VEGFC: variants seen among roughly 807,000 people sequenced by gnomAD.
VEGFC encodes vascular endothelial growth factor C.
A neutral mutation model predicts 46.1 loss-of-function variants in VEGFC; 12 were observed. The ratio of observed to expected loss-of-function variants is 0.26; its 90% confidence interval spans 0.17 to 0.42. The LOEUF (loss-of-function observed/expected upper bound fraction) is 0.42. Ranked by LOEUF, VEGFC falls within the 10% of genes least tolerant of loss-of-function variation. The pLI is 1.00. For synonymous variants in VEGFC, 232 were observed against 195.5 expected, an observed-to-expected ratio of 1.19 and a Z score of -1.56; for missense variants, 488 against 529.4, an observed-to-expected ratio of 0.92 and a Z score of 0.77.
intron 1 of VEGFC, among the ~76,000 whole-genome samples, chr4:176,757,725 T>A (rs1384740315): frequency 6.6e-6 from 1 of 152,052 alleles, no homozygotes; most frequent in African/African-American, 2.4e-5. Flanking sequence ...ATTGTCTTTT[T>A]CAGGTTCCAA....
intron 1 of VEGFC, among the ~76,000 whole-genome samples, chr4:176,732,444 C>T (rs6838834): frequency 0.036 from 5,408 of 151,860 alleles, 226 homozygotes; most frequent in Middle Eastern, 0.11. Context: ...ATCTGGGGGT[C>T]TCTTAGGTAC....
At chr4:176,766,655 C>T (rs1029661249) in intron 1 of VEGFC, among the ~76,000 whole-genome samples, 1 of 150,590 alleles carries the variant, frequency 6.6e-6, no homozygotes, top group Non-Finnish European at 1.5e-5. Flanking sequence ...CAGTGTGATA[C>T]TAATGCCAGA....
chr4:176,725,625 C>G (rs931438911), intron 3 of VEGFC, among the ~76,000 whole-genome samples: 1 of 152,090 alleles, frequency 6.6e-6, no homozygotes, highest in African/African-American at 2.4e-5. Context: ...TGATTTAAAT[C>G]AAATACCATA....
rs185241751 is a variant in VEGFC, at chr4:176,792,039, C to T, written c.147+126G>A. The T allele has an allele frequency of 5.2e-4, 650 of 1,259,366 alleles. 8 individuals carry two copies. In the African/African-American group the frequency reaches 9.2e-3, roughly 18 times the overall value. The allele number at this position is 1,259,366 out of a possible 1,614,324, so 78.0% of individuals were successfully genotyped here. ...TCTCCAAAGCAGCGTGCACTGAGCT[C>T]AGTAACTTTGGATCCCACGTACACA... On this transcript the variant is annotated intron_variant, in intron 1 of 6. Transcript: ENST00000618562. This position sits in a 1 kb window ranked among gnomAD's most constrained non-coding sequence, Gnocchi z 6.3.
At chr4:176,765,853 C>T (rs1049477215) in intron 1 of VEGFC, among the ~76,000 whole-genome samples, 2 of 151,928 alleles carry the variant, frequency 1.3e-5, no homozygotes, top group Non-Finnish European at 2.9e-5. Flanking sequence ...GTGCCCGGCC[C>T]CAAAGACAGA....
intron 4 of VEGFC, among the ~76,000 whole-genome samples, chr4:176,707,728 T>C (rs1373913383): frequency 6.6e-6 from 1 of 152,108 alleles, no homozygotes; most frequent in African/African-American, 2.4e-5. Flanking sequence ...ATGAACAGCA[T>C]TGGCAACGGA....
chr4:176,788,722 C>T (rs536449130), intron 1 of VEGFC, among the ~76,000 whole-genome samples: 4 of 152,300 alleles, frequency 2.6e-5, no homozygotes, highest in Admixed American at 1.3e-4. Flanking sequence ...ATGGTTTCTA[C>T]TGAATGTCTA....
intron 1 of VEGFC, among the ~76,000 whole-genome samples, chr4:176,750,159 C>A (rs537955912): frequency 8.6e-5 from 13 of 151,618 alleles, no homozygotes; most frequent in African/African-American, 3.1e-4. Context: ...AGTCATAACA[C>A]TGGGTACATG....
intron 3 of VEGFC, among the ~76,000 whole-genome samples, chr4:176,714,001 G>A (rs192010424): frequency 7.9e-5 from 12 of 152,268 alleles, no homozygotes; most frequent in Non-Finnish European, 1.5e-4. Context: ...CAGTGGAGAC[G>A]GGGGACAAGA....
At chr4:176,775,923 C>CA (rs879449334) in intron 1 of VEGFC, among the ~76,000 whole-genome samples, 7,789 of 139,020 alleles carry the variant, frequency 0.056, 394 homozygotes, top group African/African-American at 0.13. Context: ...ATAGGCTTAC[C>CA]AAAAAAAAAA....
chr4:176,716,288 C>G (rs1226240354), intron 3 of VEGFC, among the ~76,000 whole-genome samples: 1 of 151,980 alleles, frequency 6.6e-6, no homozygotes, highest in African/African-American at 2.4e-5. Flanking sequence ...AGAAACCTAA[C>G]AATGAGGGCG....
At chr4:176,718,574 A>G (rs1051370855) in intron 3 of VEGFC, among the ~76,000 whole-genome samples, 1 of 152,138 alleles carries the variant, frequency 6.6e-6, no homozygotes, top group Admixed American at 6.5e-5. Context: ...TAAGATGGCA[A>G]TGTAGAATTT....
At chr4:176,690,850 G>C (rs757193235) in intron 4 of VEGFC, among the ~76,000 whole-genome samples, 31 of 152,162 alleles carry the variant, frequency 2.0e-4, no homozygotes, top group Non-Finnish European at 4.3e-4. Context: ...CCATTATAAC[G>C]TGTTGGTAGA....
intron 1 of VEGFC, among the ~76,000 whole-genome samples, chr4:176,789,442 T>G (rs1736053272): frequency 6.6e-6 from 1 of 152,200 alleles, no homozygotes; most frequent in African/African-American, 2.4e-5. Context: ...GAAAGATGAA[T>G]TGAACTTTCT....
At chr4:176,764,157 T>C (rs1206824814) in intron 1 of VEGFC, among the ~76,000 whole-genome samples, 1 of 152,142 alleles carries the variant, frequency 6.6e-6, no homozygotes, top group Non-Finnish European at 1.5e-5. Flanking sequence ...AAGCTTTCAG[T>C]TGCCAAGATC....
At chr4:176,697,320 C>T (rs1241252096) in intron 4 of VEGFC, among the ~76,000 whole-genome samples, 11 of 150,228 alleles carry the variant, frequency 7.3e-5, no homozygotes, top group South Asian at 4.2e-4. Context: ...AAAAAGTGGG[C>T]GAAGGACATG....
At chr4:176,716,353 G>A (rs1366079563) in intron 3 of VEGFC, among the ~76,000 whole-genome samples, 1 of 151,810 alleles carries the variant, frequency 6.6e-6, no homozygotes, top group East Asian at 1.9e-4. Flanking sequence ...GAGGTGGGAG[G>A]ATCACTTGAG....
intron 1 of VEGFC, among the ~76,000 whole-genome samples, chr4:176,767,123 T>TAAA (rs70964805): frequency 0.65 from 32,885 of 50,710 alleles, 10,667 homozygotes; most frequent in East Asian, 0.82. Context: ...TGTAGAAATC[T>TAAA]AAAAAAAAAA....
chr4:176,754,425 C>A (rs1317745588), intron 1 of VEGFC, among the ~76,000 whole-genome samples: 1 of 152,002 alleles, frequency 6.6e-6, no homozygotes, highest in Non-Finnish European at 1.5e-5. Flanking sequence ...CTGGCAAAGC[C>A]TGTAAGGGGC....
Sources: gnomAD v4.1 joint callset for allele counts (sites outside exome capture counted in the v4.1 genomes callset) on GRCh38, gnomAD v4.1.1 for gene constraint, Gnocchi (gnomAD v3.1) non-coding constraint, MANE v1.5 for transcripts, NCBI Gene and HGNC (gene_info 2026-07-23, HGNC 2026-07-21) for gene names.